The following CEMIP variants were observed in gnomAD, a reference collection of about 807,000 sequenced individuals.
CEMIP encodes cell migration-inducing and hyaluronan-binding protein.
A neutral mutation model predicts 156.9 loss-of-function variants in CEMIP; 105 were observed. The observed-to-expected ratio is 0.67, with a 90% CI of 0.57 to 0.79. The LOEUF (loss-of-function observed/expected upper bound fraction) is 0.79, where lower values mean the gene tolerates loss of function less well. Among genes scored for constraint, CEMIP ranks in the 30% least tolerant of loss-of-function variants. The pLI is 0.00. For missense variants in CEMIP, 1,457 were observed against 1,769.4 expected, an observed-to-expected ratio of 0.82 and a Z score of 3.17; for synonymous variants, 676 against 668.4, an observed-to-expected ratio of 1.01 and a Z score of -0.17.
intron 19 of CEMIP, among the ~76,000 whole-genome samples, chr15:80,926,813 AGCGGGTG>A (rs373398360): frequency 0.098 from 2,075 of 21,250 alleles, 96 homozygotes; most frequent in African/African-American, 0.18. Flanking sequence ...AGAGAGACTG[AGCGGGTG>A]GGGGGGGGGG....
At chr15:80,832,322 C>CTCTGTGTGTG (rs1555429057) in intron 1 of CEMIP, among the ~76,000 whole-genome samples, 2,035 of 128,110 alleles carry the variant, frequency 0.016, 38 homozygotes, top group South Asian at 0.033. Context: ...AAAATAAACT[C>CTCTGTGTGTG]TGTGTGTGTG....
At chr15:80,860,418 C>A (rs954964728) in intron 1 of CEMIP, among the ~76,000 whole-genome samples, 1 of 152,214 alleles carries the variant, frequency 6.6e-6, no homozygotes, top group Non-Finnish European at 1.5e-5. Flanking sequence ...CGGGCCCACA[C>A]AGTCTGAGAT....
At chr15:80,804,859 C>T (rs1417910290) in intron 1 of CEMIP, among the ~76,000 whole-genome samples, 2 of 152,038 alleles carry the variant, frequency 1.3e-5, no homozygotes, top group Non-Finnish European at 2.9e-5. Context: ...ATAGGAAAGG[C>T]TTTTGGTTGT....
At chr15:80,888,370 C>T (rs1384123574) in intron 8 of CEMIP, among the ~76,000 whole-genome samples, 1 of 152,096 alleles carries the variant, frequency 6.6e-6, no homozygotes, top group African/African-American at 2.4e-5. Context: ...GCCTTCAGGA[C>T]ACAGTAGTAG....
Position 80,922,113 on chromosome 15 carries a change from C to T in CEMIP, c.2178C>T (p.Asn726=), listed in dbSNP as rs756276178. ...SEHIPLGKFY[N]NRAHSNYRAG... The stretch of plus-strand genomic sequence containing the variant: ...ACATTCCACTGGGAAAATTCTATAA[C>T]AACCGAGCACATTCCAACTACCGGG... Residue 726 remains asparagine (N), a synonymous_variant, in exon 17 of 30, where the codon AAC becomes AAT. Transcript: ENST00000394685. The T allele has an allele frequency of 1.9e-6, 3 of 1,614,134 alleles. No homozygotes were observed. The highest frequency in any genetic ancestry group is 2.5e-6 in the Non-Finnish European group (3 of 1,180,032).
Position 80,839,800 on chromosome 15 carries a change from C to G in CEMIP, c.-175-33738C>G, listed in dbSNP as rs375592723. Reference sequence around the variant, plus strand: ...CCTCCCAGGTGGTCATTCCTTCTGGCTTTTTATTTGTCCAATATTCCTTCA... The same window carrying G: ...CCTCCCAGGTGGTCATTCCTTCTGGGTTTTTATTTGTCCAATATTCCTTCA... On this transcript the variant is annotated intron_variant, in intron 1 of 29. Transcript: ENST00000394685. Among the ~76,000 whole-genome samples, 28 of 152,322 alleles carry G rather than the reference C, an allele frequency of 1.8e-4. No individual in the cohort carries two copies. In the East Asian group the frequency reaches 3.3e-3, roughly 18 times the overall value.
At chr15:80,842,211 G>A in intron 1 of CEMIP, 1 of 342,790 alleles carries the variant, frequency 2.9e-6, no homozygotes. Flanking sequence ...TTTAAACAGA[G>A]TGGTGGATTA....
chr15:80,906,924 T>G lies in CEMIP; in HGVS notation c.1587+86T>G. 1 of 1,440,694 alleles carries G rather than the reference T, an allele frequency of 6.9e-7. No individual in the cohort carries two copies. Among genetic ancestry groups the G allele is most frequent in the Non-Finnish European group, 9.6e-7 (1 of 1,046,940 alleles). 89.2% of individuals were successfully genotyped at this position (1,440,694 alleles called of 1,614,324 possible). ...TCTAGACGGGCCTTCTTGGTAGGGA[T>G]GAGGGTGGGGGAACAGGAGGTGGGA... is the stretch of plus-strand genomic sequence containing the variant. On this transcript the variant is annotated intron_variant, in intron 13 of 29. Transcript: ENST00000394685. The surrounding 1 kb of genome is among the most constrained non-coding windows in gnomAD (Gnocchi z 4.3).
intron 1 of CEMIP, among the ~76,000 whole-genome samples, chr15:80,797,048 A>G (rs1896248577): frequency 6.6e-6 from 1 of 152,050 alleles, no homozygotes; most frequent in African/African-American, 2.4e-5. Flanking sequence ...GTGGAGAGAG[A>G]TGAGGCTCTG....
intron 1 of CEMIP, among the ~76,000 whole-genome samples, chr15:80,804,685 T>C (rs1242943934): frequency 6.6e-6 from 1 of 152,188 alleles, no homozygotes; most frequent in African/African-American, 2.4e-5. Context: ...ATGACTGGGA[T>C]TCCTTCACAG....
intron 1 of CEMIP, among the ~76,000 whole-genome samples, chr15:80,827,153 C>T (rs992759890): frequency 1.3e-5 from 2 of 152,106 alleles, no homozygotes; most frequent in East Asian, 1.9e-4. Flanking sequence ...GGATAGGTGA[C>T]GTGTCCCCAG....
At chr15:80,802,896 A>T (rs917309637) in intron 1 of CEMIP, among the ~76,000 whole-genome samples, 4 of 152,196 alleles carry the variant, frequency 2.6e-5, no homozygotes, top group Non-Finnish European at 5.9e-5. Flanking sequence ...GTGAGGACGA[A>T]CTGGGATCTC....
intron 1 of CEMIP, among the ~76,000 whole-genome samples, chr15:80,802,917 C>A (rs1328794628): frequency 6.6e-6 from 1 of 152,168 alleles, no homozygotes; most frequent in Non-Finnish European, 1.5e-5. Flanking sequence ...TTGTCAGAGA[C>A]ACTGTCTTAG....
intron 19 of CEMIP, among the ~76,000 whole-genome samples, chr15:80,927,783 A>G (rs1233628299): frequency 2.6e-5 from 4 of 152,144 alleles, no homozygotes; most frequent in Non-Finnish European, 5.9e-5. Context: ...GACAGAAGCA[A>G]TGAGGAAAAG....
chr15:80,888,101 G>T (rs1192996877), intron 8 of CEMIP, among the ~76,000 whole-genome samples: 2 of 152,168 alleles, frequency 1.3e-5, no homozygotes, highest in African/African-American at 4.8e-5. Context: ...GGTGGCTCAC[G>T]CTTGTAATCC....
At chr15:80,811,997 C>T (rs1003516367) in intron 1 of CEMIP, among the ~76,000 whole-genome samples, 1 of 151,902 alleles carries the variant, frequency 6.6e-6, no homozygotes, top group African/African-American at 2.4e-5. Context: ...CTCCACGTCC[C>T]GGTTTGTTGT....
At position 80,828,209 on chromosome 15, in the gene CEMIP, TCTCTACTAAAAATACAGAAAATTAGC is replaced by T. The variant is rs1421496639; in HGVS notation, c.-175-45327_-175-45302del. On this transcript the variant is annotated intron_variant, in intron 1 of 29. Coordinates refer to ENST00000394685, the MANE Select transcript of CEMIP (RefSeq NM_001293298.2). ...GCCTAGCTAACATGGTGAAACCTCG[TCTCTACTAAAAATACAGAAAATTAGC>T]CCGGTGTGGTGGTGGATGCCTGTAA... Among the ~76,000 whole-genome samples, 10 of 152,086 alleles carry T rather than the reference TCTCTACTAAAAATACAGAAAATTAGC, an allele frequency of 6.6e-5. No homozygotes were observed. In the East Asian group the frequency reaches 1.9e-3, roughly 29 times the overall value.
intron 1 of CEMIP, among the ~76,000 whole-genome samples, chr15:80,819,035 G>A (rs1300695967): frequency 3.9e-5 from 6 of 152,192 alleles, no homozygotes; most frequent in African/African-American, 1.2e-4. Flanking sequence ...CCCAGCCTGG[G>A]CATCTTCAGT....
chr15:80,852,398 T>G (rs760042558), intron 1 of CEMIP, among the ~76,000 whole-genome samples: 25 of 150,900 alleles, frequency 1.7e-4, no homozygotes, highest in East Asian at 9.8e-4. Flanking sequence ...GTGTGTGTGT[T>G]TTTTTTTTAA....
Sources: allele counts gnomAD v4.1 joint callset (sites outside exome capture counted in the v4.1 genomes callset), GRCh38; gene constraint gnomAD v4.1.1; non-coding constraint Gnocchi (gnomAD v3.1); transcripts MANE v1.5; gene names NCBI Gene and HGNC (gene_info 2026-07-23, HGNC 2026-07-21).